Variants in ADAM22 observed in about 807,000 individuals in gnomAD.
ADAM22 encodes disintegrin and metalloproteinase domain-containing protein 22.
ADAM22 carries 65 observed loss-of-function variants against 144.6 expected under a neutral mutation model. That is an observed-to-expected ratio of 0.45 (90% confidence interval 0.37 to 0.55). The LOEUF (loss-of-function observed/expected upper bound fraction) is 0.55. ADAM22 is among the 20% of genes least tolerant of loss of function. The pLI is 0.00. For synonymous variants in ADAM22, 391 were observed against 412.6 expected (o/e 0.95, Z 0.63); for missense variants, 974 against 1,184.9 (o/e 0.82, Z 2.61).
chr7:88,042,298 G>T (rs565181370), intron 3 of ADAM22, among the ~76,000 whole-genome samples: 22 of 152,064 alleles, frequency 1.4e-4, no homozygotes, highest in African/African-American at 5.3e-4. Flanking sequence ...CAAATATGGT[G>T]TGTTAGCTAG....
intron 9 of ADAM22, among the ~76,000 whole-genome samples, chr7:88,130,174 C>G (rs1247285291): frequency 6.6e-6 from 1 of 152,050 alleles, no homozygotes; most frequent in Non-Finnish European, 1.5e-5. Context: ...AGGCTTCAAT[C>G]CTTTAAGAGA....
chr7:88,106,426 C>G (rs893196172), intron 4 of ADAM22, among the ~76,000 whole-genome samples: 1 of 152,264 alleles, frequency 6.6e-6, no homozygotes, highest in South Asian at 2.1e-4. Flanking sequence ...CTTGGAATTT[C>G]GGTGAAGAAA....
chr7:88,124,526 T>TA lies in ADAM22; in HGVS notation c.608-1051dup, dbSNP rs879786675. Among the ~76,000 whole-genome samples the TA allele has an allele frequency of 2.1e-3, 300 of 146,280 alleles. 1 individual carries two copies. Among genetic ancestry groups the TA allele is most frequent in the South Asian group, 2.2e-3 (10 of 4,648 alleles). On this transcript the variant is annotated intron_variant, in intron 7 of 31. Transcript: ENST00000413139. Reference sequence around the variant, plus strand: ...AACAGCATGCAGTTAAGTCTTGCATTAAAAAAAAAAAATCCAGTCTGGCAA... The same window carrying TA: ...AACAGCATGCAGTTAAGTCTTGCATTAAAAAAAAAAAAATCCAGTCTGGCAA...
chr7:87,944,034 T>C (rs1160981108), intron 2 of ADAM22, among the ~76,000 whole-genome samples: 3 of 152,208 alleles, frequency 2.0e-5, no homozygotes, highest in Non-Finnish European at 2.9e-5. Context: ...ATTTTCTAGC[T>C]GAGGCAGAAC....
At chr7:88,008,134 A>C (rs1225218263) in intron 3 of ADAM22, among the ~76,000 whole-genome samples, 4 of 151,988 alleles carry the variant, frequency 2.6e-5, no homozygotes, top group African/African-American at 7.2e-5. Flanking sequence ...ATGCAGCCAA[A>C]AAACACATGA....
chr7:88,013,933 A>G (rs1796008066), intron 3 of ADAM22, among the ~76,000 whole-genome samples: 1 of 152,240 alleles, frequency 6.6e-6, no homozygotes, highest in African/African-American at 2.4e-5. Context: ...GATAAATATT[A>G]GTTGTATCTG....
intron 4 of ADAM22, among the ~76,000 whole-genome samples, chr7:88,104,903 T>C (rs1316500963): frequency 6.6e-6 from 1 of 152,162 alleles, no homozygotes; most frequent in Non-Finnish European, 1.5e-5. Context: ...ACGTTAGGCT[T>C]TTGTGCAGAT....
chr7:88,169,332 A>G (rs1176797728), intron 25 of ADAM22, among the ~76,000 whole-genome samples: 1 of 152,166 alleles, frequency 6.6e-6, no homozygotes, highest in African/African-American at 2.4e-5. Flanking sequence ...ATGGCATGTC[A>G]TAGTGAAGGA....
chr7:88,082,182 G>A (rs1464682392), intron 4 of ADAM22, among the ~76,000 whole-genome samples: 8 of 151,932 alleles, frequency 5.3e-5, no homozygotes, highest in Non-Finnish European at 1.0e-4. Flanking sequence ...AAATAACGCC[G>A]CATATCTACA....
intron 27 of ADAM22, among the ~76,000 whole-genome samples, chr7:88,179,781 GAAAT>G (rs1294478326): frequency 6.6e-6 from 1 of 151,994 alleles, no homozygotes; most frequent in Non-Finnish European, 1.5e-5. Context: ...ATGAAAAGAA[GAAAT>G]AAATAGTTGG....
At chr7:88,016,736 C>T (rs1300077567) in intron 3 of ADAM22, among the ~76,000 whole-genome samples, 1 of 151,970 alleles carries the variant, frequency 6.6e-6, no homozygotes, top group Admixed American at 6.6e-5. Context: ...AAGTTGAGCT[C>T]ATAAAAGTAG....
At chr7:87,947,284 G>A (rs1584498139) in intron 2 of ADAM22, among the ~76,000 whole-genome samples, 1 of 152,188 alleles carries the variant, frequency 6.6e-6, no homozygotes, top group Non-Finnish European at 1.5e-5. Flanking sequence ...TTATGATCCT[G>A]TATAGCTGGT....
chr7:88,056,464 A>C (rs979706079), intron 3 of ADAM22, among the ~76,000 whole-genome samples: 4 of 152,226 alleles, frequency 2.6e-5, no homozygotes, highest in Non-Finnish European at 5.9e-5. Context: ...TTATAAAAAC[A>C]TAATTTGAAA....
intron 3 of ADAM22, among the ~76,000 whole-genome samples, chr7:88,028,763 C>T (rs1799582347): frequency 6.6e-6 from 1 of 151,862 alleles, no homozygotes. Flanking sequence ...TAATGACCTT[C>T]TTTGTCTCTT....
intron 30 of ADAM22, among the ~76,000 whole-genome samples, chr7:88,189,272 T>G (rs979109217): frequency 6.6e-6 from 1 of 152,140 alleles, no homozygotes; most frequent in Non-Finnish European, 1.5e-5. Context: ...TGTTATAAGC[T>G]CTCAGAAGGT....
At chr7:88,038,187 G>A (rs527953125) in intron 3 of ADAM22, among the ~76,000 whole-genome samples, 2 of 152,180 alleles carry the variant, frequency 1.3e-5, no homozygotes, top group East Asian at 3.9e-4. Context: ...CTATTCTATG[G>A]GAGAGAATGT....
At chr7:88,046,459 T>C (rs1804722120) in intron 3 of ADAM22, among the ~76,000 whole-genome samples, 1 of 152,228 alleles carries the variant, frequency 6.6e-6, no homozygotes, top group Non-Finnish European at 1.5e-5. Flanking sequence ...TCCTCATATA[T>C]TTTGGATGTT....
intron 2 of ADAM22, among the ~76,000 whole-genome samples, chr7:87,965,913 G>A (rs781158107): frequency 2.0e-5 from 3 of 152,206 alleles, no homozygotes; most frequent in Non-Finnish European, 2.9e-5. Flanking sequence ...TCATGTGAGA[G>A]TGTAGTGGCT....
At chr7:88,083,737 T>G (rs1817635588) in intron 4 of ADAM22, among the ~76,000 whole-genome samples, 1 of 151,990 alleles carries the variant, frequency 6.6e-6, no homozygotes, top group African/African-American at 2.4e-5. Flanking sequence ...TAAAATCTGG[T>G]AATTCTTGTA....
Sources: gnomAD v4.1 joint callset for allele counts (sites outside exome capture counted in the v4.1 genomes callset) on GRCh38, gnomAD v4.1.1 for gene constraint, MANE v1.5 for transcripts, NCBI Gene and HGNC (gene_info 2026-07-23, HGNC 2026-07-21) for gene names.